ENOX1: variants seen among roughly 807,000 people sequenced by gnomAD.
ENOX1 encodes the protein candidate growth-related and time keeping constitutive hydroquinone (NADH) oxidase.
Under a neutral mutation model 82.5 loss-of-function variants are expected in ENOX1, and 42 were observed. The observed-to-expected ratio is 0.51, with a 90% CI of 0.40 to 0.66. The LOEUF is 0.66. ENOX1 is among the 30% of genes least tolerant of loss of function. The pLI, the probability that ENOX1 is intolerant of heterozygous loss-of-function variation, is 0.00. For missense variants in ENOX1, 608 were observed against 811.6 expected (o/e 0.75, Z 3.05); for synonymous variants, 271 against 282.2 (o/e 0.96, Z 0.40).
chr13:43,701,530 T>C (rs1004872357), intron 1 of ENOX1, among the ~76,000 whole-genome samples: 1 of 152,224 alleles, frequency 6.6e-6, no homozygotes, highest in African/African-American at 2.4e-5. Flanking sequence ...ATATCTATGT[T>C]AGTATTGTGT....
At chr13:43,764,957 CTTGGGG>C (rs1307119115) in intron 1 of ENOX1, among the ~76,000 whole-genome samples, 1 of 152,192 alleles carries the variant, frequency 6.6e-6, no homozygotes, top group Non-Finnish European at 1.5e-5. Context: ...GTGCTTGCAA[CTTGGGG>C]TTGATTAAAA....
chr13:43,335,098 G>C (rs1270634276), intron 9 of ENOX1, among the ~76,000 whole-genome samples: 2 of 152,160 alleles, frequency 1.3e-5, no homozygotes, highest in Non-Finnish European at 2.9e-5. Flanking sequence ...CTTTAGAACA[G>C]GGCTTAGCAA....
chr13:43,754,619 C>T (rs1367461294), intron 1 of ENOX1, among the ~76,000 whole-genome samples: 1 of 151,702 alleles, frequency 6.6e-6, no homozygotes, highest in Non-Finnish European at 1.5e-5. Flanking sequence ...GGTTCTTCCT[C>T]TGCCACCCAG....
intron 9 of ENOX1, 132 bp from the exon 10 acceptor site, chr13:43,326,657 T>C: frequency 1.3e-6 from 1 of 755,312 alleles, no homozygotes; most frequent in South Asian, 1.7e-5. Flanking sequence ...CCATCCAATT[T>C]GTGCCTTTCG....
intron 2 of ENOX1, among the ~76,000 whole-genome samples, chr13:43,540,548 G>A (rs1273832885): frequency 6.6e-6 from 1 of 152,188 alleles, no homozygotes; most frequent in Admixed American, 6.5e-5. Context: ...AAGTATGTTG[G>A]AAGGCTCTCA....
intron 12 of ENOX1, among the ~76,000 whole-genome samples, chr13:43,297,336 A>G (rs138159846): frequency 8.5e-4 from 129 of 152,226 alleles, no homozygotes; most frequent in African/African-American, 2.9e-3. Flanking sequence ...AGCAGTCAAT[A>G]TGGATGGGGG....
At chr13:43,506,845 G>C (rs1438785571) in intron 2 of ENOX1, among the ~76,000 whole-genome samples, 1 of 151,086 alleles carries the variant, frequency 6.6e-6, no homozygotes, top group East Asian at 2.0e-4. Context: ...GTGGGGTGGG[G>C]GGACGGGGGA....
At chr13:43,279,178 G>C (rs181817511) in intron 12 of ENOX1, among the ~76,000 whole-genome samples, 1 of 152,262 alleles carries the variant, frequency 6.6e-6, no homozygotes, top group Non-Finnish European at 1.5e-5. Context: ...CAGATGCTTC[G>C]TGGCATTCCC....
intron 2 of ENOX1, among the ~76,000 whole-genome samples, chr13:43,649,277 A>C (rs1403320946): frequency 6.6e-6 from 1 of 152,176 alleles, no homozygotes; most frequent in African/African-American, 2.4e-5. Flanking sequence ...TAAAACTAGA[A>C]CATCCAAGTA....
chr13:43,548,775 G>A (rs2079071413), intron 2 of ENOX1, among the ~76,000 whole-genome samples: 1 of 152,096 alleles, frequency 6.6e-6, no homozygotes, highest in African/African-American at 2.4e-5. Flanking sequence ...GGCAGGAAAG[G>A]AATACAGGCT....
At chr13:43,518,036 G>A (rs1384985968) in intron 2 of ENOX1, among the ~76,000 whole-genome samples, 1 of 152,096 alleles carries the variant, frequency 6.6e-6, no homozygotes, top group African/African-American at 2.4e-5. Context: ...GTCAAAGAAT[G>A]TACTATTATT....
At chr13:43,335,673 T>A (rs986609105) in intron 9 of ENOX1, among the ~76,000 whole-genome samples, 1 of 151,872 alleles carries the variant, frequency 6.6e-6, no homozygotes, top group Non-Finnish European at 1.5e-5. Context: ...ACTTGATTTC[T>A]ATCTTACATT....
intron 2 of ENOX1, among the ~76,000 whole-genome samples, chr13:43,587,026 A>C (rs2081026616): frequency 6.6e-6 from 1 of 151,480 alleles, no homozygotes; most frequent in African/African-American, 2.4e-5. Context: ...GCAAGCCAAG[A>C]TTGTGCCACT....
chr13:43,251,938 T>C (rs1449323158), intron 14 of ENOX1, among the ~76,000 whole-genome samples: 1 of 152,176 alleles, frequency 6.6e-6, no homozygotes, highest in Non-Finnish European at 1.5e-5. Flanking sequence ...TATGCATATA[T>C]GTGTGTGTGA....
intron 12 of ENOX1, among the ~76,000 whole-genome samples, chr13:43,284,813 T>A (rs920661828): frequency 1.9e-5 from 2 of 106,904 alleles, no homozygotes; most frequent in South Asian, 3.2e-4. Context: ...TGTGTGTGTG[T>A]AAGAGAGAGA....
chr13:43,554,316 G>C (rs1359327299), intron 2 of ENOX1, among the ~76,000 whole-genome samples: 1 of 152,146 alleles, frequency 6.6e-6, no homozygotes, highest in Non-Finnish European at 1.5e-5. Context: ...CAGCAGTCTG[G>C]GCTAAAATCC....
intron 4 of ENOX1, among the ~76,000 whole-genome samples, chr13:43,412,305 G>GA (rs1300494633): frequency 2.0e-5 from 3 of 152,070 alleles, no homozygotes; most frequent in Non-Finnish European, 4.4e-5. Context: ...GGTACCCCTG[G>GA]AAAAAAATCG....
At chr13:43,269,840 C>T (rs2044586874) in intron 12 of ENOX1, among the ~76,000 whole-genome samples, 1 of 152,092 alleles carries the variant, frequency 6.6e-6, no homozygotes, top group Non-Finnish European at 1.5e-5. Context: ...TGAGCAAATG[C>T]CTATTTGTAA....
At chr13:43,454,860 C>T (rs1414937253) in intron 3 of ENOX1, among the ~76,000 whole-genome samples, 4 of 141,024 alleles carry the variant, frequency 2.8e-5, no homozygotes, top group East Asian at 4.2e-4. Context: ...TTTTTTTTTA[C>T]ACAATTAGCC....
Sources: allele counts gnomAD v4.1 joint callset (sites outside exome capture counted in the v4.1 genomes callset), GRCh38; gene constraint gnomAD v4.1.1; transcripts MANE v1.5; gene names NCBI Gene and HGNC (gene_info 2026-07-23, HGNC 2026-07-21).